The following RAB21 variants were observed in gnomAD, a reference collection of about 807,000 sequenced individuals.
The protein encoded by RAB21 is RAB21, member RAS oncogene family.
Under a neutral mutation model 33.1 loss-of-function variants are expected in RAB21, and 13 were observed. That is an observed-to-expected ratio of 0.39 (90% CI 0.26 to 0.62). The LOEUF is 0.62. Among genes scored for constraint, RAB21 ranks in the 20% least tolerant of loss-of-function variants. The pLI is 0.48. For synonymous variants in RAB21, 91 were observed against 103.7 expected (o/e 0.88, Z 0.74); for missense variants, 234 against 279.1 (o/e 0.84, Z 1.15).
At chr12:71,779,241 C>T in intron 4 of RAB21, among the ~76,000 whole-genome samples, 1 of 152,122 alleles carries the variant, frequency 6.6e-6, no homozygotes, top group East Asian at 1.9e-4. Context: ...GGGCAGACTG[C>T]TTGAGTCCAG....
chr12:71,799,085 G>C lies in RAB21; in HGVS notation c.*13412G>C, dbSNP rs1385746641. On this transcript the variant is annotated 3_prime_UTR_variant, in exon 7 of 7. Transcript: ENST00000261263. ...TCAGCTTCCTGAATATGGATAGGCT[G>C]TGGTGGTGGCAGCAGCTTCTTAATC... 6.6e-6 allele frequency: 1 copy of C among 152,340 alleles called. No individual in the cohort carries two copies. Among genetic ancestry groups the C allele is most frequent in the South Asian group, 2.1e-4 (1 of 4,834 alleles). 9.4% of individuals were successfully genotyped at this position (152,340 alleles called of 1,614,324 possible). A position where few individuals can be genotyped will look rare whatever the true frequency, so the allele number is the denominator to read the frequency against.
At chr12:71,759,058 T>C (rs1191980773) in intron 1 of RAB21, among the ~76,000 whole-genome samples, 1 of 152,264 alleles carries the variant, frequency 6.6e-6, no homozygotes, top group Non-Finnish European at 1.5e-5. Context: ...AGGCATTATT[T>C]GTATCTCTCA....
At chr12:71,756,359 G>A (rs191838692) in intron 1 of RAB21, among the ~76,000 whole-genome samples, 82 of 152,298 alleles carry the variant, frequency 5.4e-4, no homozygotes, top group African/African-American at 1.8e-3. Context: ...TCCAGTGTAA[G>A]TTGTCTGCCT....
intron 2 of RAB21, 83 bp downstream of exon 2, chr12:71,769,942 A>C (rs1033932321): frequency 4.9e-6 from 3 of 610,404 alleles, no homozygotes; most frequent in Admixed American, 4.1e-5. Context: ...CTTAGCCAAC[A>C]CTTTTTTTTT....
In RAB21 at chr12:71,764,956, T is replaced by G; in HGVS notation, c.160-4844T>G. On this transcript the variant is annotated intron_variant, in intron 1 of 6. Transcript: ENST00000261263. ...TTTTTCATATGACAACTTCTTTTCC[T>G]TTGGGTAAATACTCAGTAGTGGGAT... Among the ~76,000 whole-genome samples, 2 of 152,182 alleles carry G rather than the reference T, an allele frequency of 1.3e-5. 1 individual carries two copies. The highest frequency in any genetic ancestry group is 3.9e-4 in the East Asian group (2 of 5,192).
At chr12:71,763,899 C>CCCA (rs1263531435) in intron 1 of RAB21, among the ~76,000 whole-genome samples, 1 of 152,154 alleles carries the variant, frequency 6.6e-6, no homozygotes, top group Non-Finnish European at 1.5e-5. Flanking sequence ...CAGGCTTCCA[C>CCCA]CCACTGCAGC....
At chr12:71,758,458 C>T (rs935203674) in intron 1 of RAB21, among the ~76,000 whole-genome samples, 4 of 152,018 alleles carry the variant, frequency 2.6e-5, no homozygotes, top group African/African-American at 9.7e-5. Context: ...CTCTGGCTCC[C>T]TTAACTGGAT....
In RAB21 at chr12:71,798,052, A is replaced by G. The variant is rs1883487710; in HGVS notation, c.*12379A>G. The G allele has an allele frequency of 6.6e-6, 1 of 152,202 alleles. No homozygotes were observed. Among genetic ancestry groups the G allele is most frequent in the African/African-American group, 2.4e-5 (1 of 41,460 alleles). 9.4% of individuals were successfully genotyped at this position (152,202 alleles called of 1,614,324 possible). On this transcript the variant is annotated 3_prime_UTR_variant, in exon 7 of 7. Transcript: ENST00000261263. ...TTTGGAATAGAATTTACAATAAGAAATGATAATGTTTTCACTATAAATTTG... is the reference window on the plus strand; with the variant it reads ...TTTGGAATAGAATTTACAATAAGAAGTGATAATGTTTTCACTATAAATTTG...
Position 71,797,360 on chromosome 12 carries a change from GATATA to G in RAB21, c.*11691_*11695del, listed in dbSNP as rs1487745245. ...TTATAAAAACAACAGCCAGTTAGAA[GATATA>G]ATAGAAGAAAAGGCCCCATTTAAAG... On this transcript the variant is annotated 3_prime_UTR_variant, in exon 7 of 7. Coordinates refer to ENST00000261263, the MANE Select transcript of RAB21 (RefSeq NM_014999.4). 4 of 151,948 alleles carry G rather than the reference GATATA, an allele frequency of 2.6e-5. No homozygotes were observed. Among genetic ancestry groups the G allele is most frequent in the African/African-American group, 9.7e-5 (4 of 41,366 alleles). The allele number at this position is 151,948 out of a possible 1,614,324, so 9.4% of individuals were successfully genotyped here.
At chr12:71,777,991 T>C (rs1883146067) in intron 4 of RAB21, among the ~76,000 whole-genome samples, 1 of 152,248 alleles carries the variant, frequency 6.6e-6, no homozygotes, top group Non-Finnish European at 1.5e-5. Context: ...AGTCCTTTTT[T>C]ATAAGTATTG....
chr12:71,797,762 C>G lies in RAB21; in HGVS notation c.*12089C>G, dbSNP rs569458215. On this transcript the variant is annotated 3_prime_UTR_variant, in exon 7 of 7. Coordinates refer to ENST00000261263, the MANE Select transcript of RAB21 (RefSeq NM_014999.4). ...CTGGCATATGACTAGACAGATCATT[C>G]AAGCAGAAGGAAAATGAACCCAGAT... is the stretch of plus-strand genomic sequence containing the variant. 19 of 151,428 alleles carry G rather than the reference C, an allele frequency of 1.3e-4. No individual in the cohort carries two copies. In the East Asian group the frequency reaches 3.7e-3, roughly 30 times the overall value. The allele number at this position is 151,428 out of a possible 1,614,324, so 9.4% of individuals were successfully genotyped here. A position where few individuals can be genotyped will look rare whatever the true frequency, so the allele number is the denominator to read the frequency against.
intron 4 of RAB21, among the ~76,000 whole-genome samples, chr12:71,774,949 A>G (rs188021316): frequency 2.0e-4 from 31 of 152,230 alleles, no homozygotes; most frequent in African/African-American, 6.7e-4. Flanking sequence ...AACTACTTTA[A>G]AATAAAATTA....
chr12:71,756,586 A>G (rs902957083), intron 1 of RAB21, among the ~76,000 whole-genome samples: 1 of 152,242 alleles, frequency 6.6e-6, no homozygotes, highest in Non-Finnish European at 1.5e-5. Flanking sequence ...TATGTAAAGC[A>G]TATCTGAAAA....
In RAB21 at chr12:71,791,155, G is replaced by T. The variant is rs531304531; in HGVS notation, c.*5482G>T. Reference sequence around the variant, plus strand: ...AAGCCACCATGCCTGGCTAATTTTTGTATTTTTCATTTTTAGTAGAGATGG... The same window carrying T: ...AAGCCACCATGCCTGGCTAATTTTTTTATTTTTCATTTTTAGTAGAGATGG... On this transcript the variant is annotated 3_prime_UTR_variant, in exon 7 of 7. Coordinates refer to ENST00000261263, the MANE Select transcript of RAB21 (RefSeq NM_014999.4). 4 of 152,270 alleles carry T rather than the reference G, an allele frequency of 2.6e-5. No homozygotes were observed. The highest frequency in any genetic ancestry group is 9.7e-5 in the African/African-American group (4 of 41,330). 9.4% of individuals were successfully genotyped at this position (152,270 alleles called of 1,614,324 possible).
rs147535127 is a variant in RAB21 at position 71,759,537 on chromosome 12, G to A, written c.159+4249G>A. ...CAGGCCATCCCCTCCTCCTTCCCTT[G>A]AGTAAGAAACAGTTGTTAATGGAGT... On this transcript the variant is annotated intron_variant, in intron 1 of 6. Transcript: ENST00000261263. Among the ~76,000 whole-genome samples the A allele has an allele frequency of 4.8e-3, 734 of 152,310 alleles. 2 individuals are homozygous for A. Among genetic ancestry groups the A allele is most frequent in the Non-Finnish European group, 8.1e-3 (549 of 68,026 alleles).
chr12:71,768,809 T>A (rs1346009429), intron 1 of RAB21, among the ~76,000 whole-genome samples: 4 of 152,202 alleles, frequency 2.6e-5, no homozygotes, highest in African/African-American at 7.2e-5. Context: ...AAAGTTCAAA[T>A]GAGTTTGGGA....
At chr12:71,758,504 CTTT>C (rs555367340) in intron 1 of RAB21, among the ~76,000 whole-genome samples, 3 of 145,616 alleles carry the variant, frequency 2.1e-5, no homozygotes, top group African/African-American at 2.5e-5. Flanking sequence ...AATCCTTTCA[CTTT>C]TTTTTTTTTT....
rs1223965844 is a variant in RAB21, at chr12:71,788,296, A to G, written c.*2623A>G. On this transcript the variant is annotated 3_prime_UTR_variant, in exon 7 of 7. Coordinates refer to ENST00000261263, the MANE Select transcript of RAB21 (RefSeq NM_014999.4). ...TATTGGTGGGTCATAACTATTCTTC[A>G]TATTTTTTTTTTCTTTTTTCTCCTT... is the stretch of plus-strand genomic sequence containing the variant. 6.7e-6 allele frequency: 1 copy of G among 149,100 alleles called. No homozygotes were observed. The highest frequency in any genetic ancestry group is 1.5e-5 in the Non-Finnish European group (1 of 67,288). 9.2% of individuals were successfully genotyped at this position (149,100 alleles called of 1,614,324 possible). A position where few individuals can be genotyped will look rare whatever the true frequency, so the allele number is the denominator to read the frequency against.
rs33973785 is a variant in RAB21 at position 71,785,910 on chromosome 12, G to GT, written c.*246dup. 5,963 of 355,958 alleles carry GT rather than the reference G, an allele frequency of 0.017. 290 individuals are homozygous for GT. Among genetic ancestry groups the GT allele is most frequent in the African/African-American group, 0.13 (4,698 of 35,644 alleles). 22.0% of individuals were successfully genotyped at this position (355,958 alleles called of 1,614,324 possible). A position where few individuals can be genotyped will look rare whatever the true frequency, so the allele number is the denominator to read the frequency against. The stretch of plus-strand genomic sequence containing the variant: ...TTTTGTTTTTTTTTTGTTTTTTTTT[G>GT]TTTTTTTTTGAGACGGAGTCTCGCT... On this transcript the variant is annotated 3_prime_UTR_variant, in exon 7 of 7. Transcript: ENST00000261263.
Sources: allele counts gnomAD v4.1 joint callset (sites outside exome capture counted in the v4.1 genomes callset), GRCh38; gene constraint gnomAD v4.1.1; transcripts MANE v1.5; gene names NCBI Gene and HGNC (gene_info 2026-07-23, HGNC 2026-07-21).